The following SPINK9 variants were observed in gnomAD, a reference collection of about 807,000 sequenced individuals.
The protein encoded by SPINK9 is serine protease inhibitor Kazal-type 9.
SPINK9 carries 3 observed loss-of-function variants against 10.8 expected under a neutral mutation model. The ratio of observed to expected loss-of-function variants is 0.28; its 90% CI spans 0.13 to 0.72. The LOEUF is 0.72. SPINK9 is among the 30% of genes least tolerant of loss of function. The pLI, the probability that SPINK9 is intolerant of heterozygous loss-of-function variation, is 0.74. For synonymous variants in SPINK9, 30 were observed against 31.2 expected (o/e 0.96, Z 0.12); for missense variants, 101 against 103.2 (o/e 0.98, Z 0.09).
chr5:148,323,584 C>T lies in SPINK9; in HGVS notation c.-72-95C>T, dbSNP rs1197129745. 4 of 489,530 alleles carry T rather than the reference C, an allele frequency of 8.2e-6. No individual in the cohort carries two copies. The Admixed American group carries it at 1.1e-4, about 14-fold the overall frequency. 30.3% of individuals were successfully genotyped at this position (489,530 alleles called of 1,614,324 possible). A position where few individuals can be genotyped will look rare whatever the true frequency, so the allele number is the denominator to read the frequency against. Reference sequence around the variant, plus strand: ...TATTAACTTTCTTTCCTTCTTTATTCTTAGGAAGAGTAAATCATTCCCACA... The same window carrying T: ...TATTAACTTTCTTTCCTTCTTTATTTTTAGGAAGAGTAAATCATTCCCACA... On this transcript the variant is annotated intron_variant, in intron 1 of 4. Coordinates refer to the SPINK9 transcript ENST00000511717.
chr5:148,330,163 G>A (rs1554119401), intron 2 of SPINK9, among the ~76,000 whole-genome samples: 1 of 152,124 alleles, frequency 6.6e-6, no homozygotes, highest in Non-Finnish European at 1.5e-5. Context: ...GGTCACTAAG[G>A]ACTTGCTTTA....
rs375688106 is a variant in SPINK9, at chr5:148,336,813, T to C, written c.87+360T>C. Among the ~76,000 whole-genome samples, 37 of 152,344 alleles carry C rather than the reference T, an allele frequency of 2.4e-4. No individual in the cohort carries two copies. In the East Asian group the frequency reaches 6.6e-3, roughly 27 times the overall value. Reference sequence around the variant, plus strand: ...CAATAAGGGCAAGTCATGATTCTTATAATTTTTAAATGGGTCACACATATC... The same window carrying C: ...CAATAAGGGCAAGTCATGATTCTTACAATTTTTAAATGGGTCACACATATC... On this transcript the variant is annotated intron_variant, in intron 2 of 3. Transcript: ENST00000377906.
At chr5:148,326,572 G>C (rs1051180833) in intron 2 of SPINK9, among the ~76,000 whole-genome samples, 1 of 152,100 alleles carries the variant, frequency 6.6e-6, no homozygotes, top group African/African-American at 2.4e-5. Context: ...CTGCAGGTTT[G>C]TTACCTATGT....
intron 2 of SPINK9, among the ~76,000 whole-genome samples, chr5:148,329,157 C>G (rs184193830): frequency 1.1e-3 from 167 of 152,204 alleles, no homozygotes; most frequent in Non-Finnish European, 4.9e-4. Context: ...GTTTGGTAAG[C>G]TATTAATTAT....
chr5:148,327,105 G>A (rs562684170), intron 2 of SPINK9, among the ~76,000 whole-genome samples: 5 of 152,252 alleles, frequency 3.3e-5, no homozygotes, highest in Admixed American at 6.5e-5. Context: ...TCCCACAATG[G>A]TTGAACTAGT....
intron 2 of SPINK9, among the ~76,000 whole-genome samples, chr5:148,325,106 A>T (rs1745369530): frequency 6.6e-6 from 1 of 152,124 alleles, no homozygotes; most frequent in Admixed American, 6.6e-5. Context: ...GGCATGTATC[A>T]GTATTTCATT....
chr5:148,333,052 C>A (rs1016640348), upstream of SPINK9, among the ~76,000 whole-genome samples: 10 of 152,014 alleles, frequency 6.6e-5, no homozygotes, highest in Non-Finnish European at 1.3e-4. Context: ...TTATCACAGT[C>A]CGGATTTTGA....
chr5:148,335,558 C>T (rs1039069690), upstream of SPINK9: 155 of 1,500,994 alleles, frequency 1.0e-4, 1 homozygote, highest in Middle Eastern at 6.8e-4. Context: ...GTGAGCTGGA[C>T]GGACACCAGG....
chr5:148,326,475 G>C (rs1757060456), intron 2 of SPINK9, among the ~76,000 whole-genome samples: 1 of 152,064 alleles, frequency 6.6e-6, no homozygotes, highest in African/African-American at 2.4e-5. Context: ...CAATAGCCAA[G>C]ATATAGAAAT....
intron 2 of SPINK9, among the ~76,000 whole-genome samples, chr5:148,327,780 TG>T (rs1463915504): frequency 6.6e-6 from 1 of 152,088 alleles, no homozygotes; most frequent in Non-Finnish European, 1.5e-5. Flanking sequence ...CCCCATTGCT[TG>T]TTTTTGTCAG....
chr5:148,326,927 G>T (rs1358698158), intron 2 of SPINK9, among the ~76,000 whole-genome samples: 1 of 152,030 alleles, frequency 6.6e-6, no homozygotes, highest in African/African-American at 2.4e-5. Context: ...TGGACATTTG[G>T]GTTGGTTCCA....
At position 148,339,020 on chromosome 5, in the gene SPINK9, G is replaced by A. The variant is rs1413874568; in HGVS notation, c.215+415G>A. The stretch of plus-strand genomic sequence containing the variant: ...TGTTTTTGTTCAGCTTTAGCAACTA[G>A]GCTTGGATATGTTAGAGCCCCCTAA... On this transcript the variant is annotated intron_variant, in intron 3 of 3. Transcript: ENST00000377906. Among the ~76,000 whole-genome samples the A allele has an allele frequency of 3.9e-5, 6 of 152,232 alleles. No homozygotes were observed. The East Asian group carries it at 1.2e-3, about 29-fold the overall frequency.
chr5:148,332,504 G>A (rs533694050), upstream of SPINK9, among the ~76,000 whole-genome samples: 9 of 152,328 alleles, frequency 5.9e-5, no homozygotes, highest in East Asian at 3.9e-4. Context: ...GAGCATTCAC[G>A]ACAGATAAAG....
chr5:148,335,219 T>A (rs1757200742), upstream of SPINK9, among the ~76,000 whole-genome samples: 1 of 152,194 alleles, frequency 6.6e-6, no homozygotes, highest in African/African-American at 2.4e-5. Flanking sequence ...AAATGACTCA[T>A]GGTTTAATTA....
upstream of SPINK9, among the ~76,000 whole-genome samples, chr5:148,330,997 T>C (rs1757141276): frequency 6.6e-6 from 1 of 152,192 alleles, no homozygotes; most frequent in Non-Finnish European, 1.5e-5. Flanking sequence ...ACCCCTTTCT[T>C]TGACTAGGAA....
intron 1 of SPINK9, 80 bp from the exon 2 acceptor site, chr5:148,336,342 G>A: frequency 7.0e-7 from 1 of 1,437,928 alleles, no homozygotes; most frequent in South Asian, 1.2e-5. Flanking sequence ...GAAAGCTAAA[G>A]CATAAATCAA....
intron 2 of SPINK9, among the ~76,000 whole-genome samples, chr5:148,324,765 GC>G (rs1757038062): frequency 6.6e-6 from 1 of 151,488 alleles, no homozygotes; most frequent in Admixed American, 6.6e-5. Flanking sequence ...AAAATTCATG[GC>G]TTTTTGTACC....
Position 148,339,722 on chromosome 5 carries a change from G to A in SPINK9, c.*10G>A, listed in dbSNP as rs185992202. The A allele has an allele frequency of 8.8e-5, 142 of 1,608,112 alleles. No homozygotes were observed. The highest frequency in any genetic ancestry group is 5.0e-4 in the Admixed American group (30 of 59,890). ...TTTTGGAAAATGTTAAATCTATCTT[G>A]TGAGTCCAAAATATCTTTTAATGCA... On this transcript the variant is annotated 3_prime_UTR_variant, in exon 4 of 4. Transcript: ENST00000377906.
At chr5:148,337,087 T>G (rs796591855) in intron 2 of SPINK9, among the ~76,000 whole-genome samples, 3 of 152,242 alleles carry the variant, frequency 2.0e-5, no homozygotes, top group African/African-American at 7.2e-5. Flanking sequence ...GGATATAAAT[T>G]TTGGAGTCAG....
Sources: allele counts gnomAD v4.1 joint callset (sites outside exome capture counted in the v4.1 genomes callset), GRCh38; gene constraint gnomAD v4.1.1; transcripts MANE v1.5; gene names NCBI Gene and HGNC (gene_info 2026-07-23, HGNC 2026-07-21).